MBP: variants seen among roughly 807,000 people sequenced by gnomAD.
MBP encodes the protein Golli-MBP.
A neutral mutation model predicts 35.8 loss-of-function variants in MBP; 16 were observed. That is an observed-to-expected ratio of 0.45 (90% confidence interval 0.30 to 0.68). MBP has a LOEUF of 0.68. MBP is among the 30% of genes least tolerant of loss of function. The pLI is 0.08. For missense variants in MBP, 380 were observed against 404.7 expected (o/e 0.94, Z 0.52); for synonymous variants, 143 against 159.6 (o/e 0.90, Z 0.78).
intron 4 of MBP, chr18:77,004,258 G>T (rs1599527898): frequency 6.7e-6 from 1 of 148,494 alleles, no homozygotes; most frequent in South Asian, 2.1e-4. Flanking sequence ...CTGAAAAAAA[G>T]CACATATATA....
chr18:77,093,938 G>A (rs74756059), intron 2 of MBP, among the ~76,000 whole-genome samples: 7,484 of 151,904 alleles, frequency 0.049, 266 homozygotes, highest in Middle Eastern at 0.1. Context: ...ACTGTAACCA[G>A]GTTATTGACT....
chr18:77,095,074 G>T (rs575099237), intron 2 of MBP, among the ~76,000 whole-genome samples: 2 of 152,184 alleles, frequency 1.3e-5, no homozygotes, highest in African/African-American at 2.4e-5. Context: ...CTAAGAGATC[G>T]TCTAATATTC....
Position 76,998,232 on chromosome 18 carries a change from G to C in MBP, c.577-8172C>G, listed in dbSNP as rs560835553. On this transcript the variant is annotated intron_variant, in intron 4 of 8. Coordinates refer to ENST00000355994, the MANE Select transcript of MBP (RefSeq NM_001025101.2). The stretch of plus-strand genomic sequence containing the variant: ...TTCTCTATGAACGGGCCACCCGAGG[G>C]GCCTCCTGTGCATGGAGCCTGCAGC... 2.0e-5 allele frequency among the ~76,000 whole-genome samples: 3 copies of C among 152,282 alleles called. No homozygotes were observed. In the South Asian group the frequency reaches 6.2e-4, roughly 32 times the overall value.
At chr18:77,014,593 A>G (rs1971526096) in intron 4 of MBP, 1 of 985,272 alleles carries the variant, frequency 1.0e-6, no homozygotes, top group East Asian at 1.1e-4. Context: ...ACAAAACCAA[A>G]AATTCCTCCA....
At chr18:77,018,185 C>A (rs973944158) in intron 3 of MBP, among the ~76,000 whole-genome samples, 1 of 151,694 alleles carries the variant, frequency 6.6e-6, no homozygotes, top group African/African-American at 2.4e-5. Flanking sequence ...ATACACACAC[C>A]CACCTACCCA....
At chr18:77,030,489 A>G (rs1972502983) in intron 3 of MBP, among the ~76,000 whole-genome samples, 1 of 152,244 alleles carries the variant, frequency 6.6e-6, no homozygotes. Flanking sequence ...GCCCTGTGGT[A>G]CCGGTACATG....
At chr18:77,098,833 C>T (rs1339307175) in intron 2 of MBP, among the ~76,000 whole-genome samples, 2 of 152,220 alleles carry the variant, frequency 1.3e-5, no homozygotes, top group African/African-American at 4.8e-5. Flanking sequence ...TTTAAACGGG[C>T]CGTTCCTTGT....
chr18:76,992,796 G>T (rs771682123), intron 4 of MBP, among the ~76,000 whole-genome samples: 9 of 152,124 alleles, frequency 5.9e-5, no homozygotes, highest in Non-Finnish European at 1.2e-4. Flanking sequence ...AGGAGCCAGA[G>T]CCCCAGCCCC....
intron 3 of MBP, among the ~76,000 whole-genome samples, chr18:77,033,508 C>T (rs1475110786): frequency 5.3e-5 from 8 of 152,056 alleles, no homozygotes; most frequent in Admixed American, 5.2e-4. Flanking sequence ...TCTGGAAACA[C>T]CTTGTGCACA....
At chr18:77,092,738 A>G (rs1599230699) in intron 2 of MBP, among the ~76,000 whole-genome samples, 1 of 152,144 alleles carries the variant, frequency 6.6e-6, no homozygotes, top group East Asian at 1.9e-4. Context: ...TTACGAGTCC[A>G]GCTAAAAACA....
intron 4 of MBP, among the ~76,000 whole-genome samples, chr18:76,992,412 C>T (rs1428197143): frequency 6.6e-6 from 1 of 152,190 alleles, no homozygotes; most frequent in African/African-American, 2.4e-5. Context: ...CTGCTCACCT[C>T]CTGCTGTGCA....
chr18:77,013,113 T>C (rs12406), intron 4 of MBP: 960,964 of 985,374 alleles, frequency 0.98, 471,331 homozygotes, highest in Non-Finnish European at 1. Flanking sequence ...AATGAGACTT[T>C]GAGAGGAATG....
At chr18:77,072,336 G>C (rs974192481) in intron 2 of MBP, among the ~76,000 whole-genome samples, 1 of 152,204 alleles carries the variant, frequency 6.6e-6, no homozygotes, top group Admixed American at 6.5e-5. Context: ...CCCTGCCGTA[G>C]ACAGATCTAA....
chr18:77,087,499 G>C (rs117923832), intron 2 of MBP: 1 of 152,238 alleles, frequency 6.6e-6, no homozygotes, highest in African/African-American at 2.4e-5. Context: ...GAGGAGGCGC[G>C]GCCGGAGCCA....
chr18:76,988,121 A>G lies in MBP; in HGVS notation c.750+374T>C. On this transcript the variant is annotated intron_variant, in intron 7 of 8. Transcript: ENST00000355994. The surrounding 1 kb of genome is among the most constrained non-coding windows in gnomAD (Gnocchi z 5.2). Reference sequence around the variant, plus strand: ...AGACGGGCCAGCCAGTCCCACTTCCACATGCGGGTTCCTGGGGCTTCTCGC... The same window carrying G: ...AGACGGGCCAGCCAGTCCCACTTCCGCATGCGGGTTCCTGGGGCTTCTCGC... 1 of 1,520,866 alleles carries G rather than the reference A, an allele frequency of 6.6e-7. No homozygotes were observed. The highest frequency in any genetic ancestry group is 8.8e-7 in the Non-Finnish European group (1 of 1,137,070). 94.2% of individuals were successfully genotyped at this position (1,520,866 alleles called of 1,614,324 possible). A position where few individuals can be genotyped will look rare whatever the true frequency, so the allele number is the denominator to read the frequency against.
chr18:77,044,538 G>A lies in MBP; in HGVS notation c.139+21760C>T, dbSNP rs1973149158. ...TCGTCCCTGGAAAGCCCTCTCCAGGGCCCTCGGCCTCGCTGTCTCACATCA... is the reference window on the plus strand; with the variant it reads ...TCGTCCCTGGAAAGCCCTCTCCAGGACCCTCGGCCTCGCTGTCTCACATCA... On this transcript the variant is annotated intron_variant, in intron 3 of 8. Coordinates refer to ENST00000355994, the MANE Select transcript of MBP (RefSeq NM_001025101.2). The surrounding 1 kb of genome is among the most constrained non-coding windows in gnomAD (Gnocchi z 4.4). Among the ~76,000 whole-genome samples the A allele has an allele frequency of 1.3e-5, 2 of 151,980 alleles. No homozygotes were observed. The highest frequency in any genetic ancestry group is 2.4e-5 in the African/African-American group (1 of 41,384).
chr18:77,009,757 G>T, intron 4 of MBP: 1 of 1,173,488 alleles, frequency 8.5e-7, no homozygotes, highest in Middle Eastern at 2.0e-4. Flanking sequence ...CCCTGGCAGT[G>T]ACACTACCTG....
At chr18:76,985,193 C>T in intron 7 of MBP, 2 of 1,450,610 alleles carry the variant, frequency 1.4e-6, no homozygotes, top group Non-Finnish European at 1.8e-6. Context: ...GTTTAGGGAA[C>T]AGTTGCTTAC....
intron 1 of MBP, among the ~76,000 whole-genome samples, chr18:77,119,103 C>A (rs1976807099): frequency 1.3e-5 from 2 of 152,328 alleles, no homozygotes; most frequent in South Asian, 4.1e-4. Context: ...TCCCACAGGT[C>A]CCTGAGGTGG....
Sources: gnomAD v4.1 joint callset for allele counts (sites outside exome capture counted in the v4.1 genomes callset) on GRCh38, gnomAD v4.1.1 for gene constraint, Gnocchi (gnomAD v3.1) non-coding constraint, MANE v1.5 for transcripts, NCBI Gene and HGNC (gene_info 2026-07-23, HGNC 2026-07-21) for gene names.